Variants in ASIC2 observed in about 807,000 individuals in gnomAD.
The protein encoded by ASIC2 is acid-sensing ion channel 2.
ASIC2 carries 25 observed loss-of-function variants against 57.3 expected under a neutral mutation model. That is an observed-to-expected ratio of 0.44 (90% CI 0.32 to 0.61). The LOEUF (loss-of-function observed/expected upper bound fraction) is 0.61, where lower values mean the gene tolerates loss of function less well. Among genes scored for constraint, ASIC2 ranks in the 20% least tolerant of loss-of-function variants. The probability of loss-of-function intolerance (pLI) is 0.06; values close to 1 mark genes in which losing one functional copy is unlikely to be tolerated. For missense variants in ASIC2, 641 were observed against 738.1 expected, an observed-to-expected ratio of 0.87 and a Z score of 1.52; for synonymous variants, 319 against 307.5, an observed-to-expected ratio of 1.04 and a Z score of -0.39.
At chr17:34,112,688 T>C (rs565769132) in intron 1 of ASIC2, among the ~76,000 whole-genome samples, 2 of 152,252 alleles carry the variant, frequency 1.3e-5, no homozygotes, top group East Asian at 3.9e-4. Flanking sequence ...CCTCTGGGCA[T>C]TTACAAGATA....
intron 1 of ASIC2, among the ~76,000 whole-genome samples, chr17:33,687,096 A>G (rs1003110648): frequency 3.9e-5 from 6 of 152,148 alleles, no homozygotes; most frequent in African/African-American, 1.4e-4. Flanking sequence ...CAGTTTTTTC[A>G]TGTACAGCAA....
intron 1 of ASIC2, chr17:33,792,851 C>T (rs2078655726): frequency 6.6e-6 from 1 of 152,164 alleles, no homozygotes; most frequent in African/African-American, 2.4e-5. Flanking sequence ...TTGAGGTCCT[C>T]TCCTTTCCAG....
At chr17:34,154,128 C>T (rs752713140) in intron 1 of ASIC2, among the ~76,000 whole-genome samples, 4 of 152,214 alleles carry the variant, frequency 2.6e-5, no homozygotes, top group Non-Finnish European at 4.4e-5. Context: ...TCTGTGTCGT[C>T]TGTGTGTTCC....
At chr17:33,540,720 G>A (rs1915381865) in intron 1 of ASIC2, among the ~76,000 whole-genome samples, 1 of 152,108 alleles carries the variant, frequency 6.6e-6, no homozygotes, top group African/African-American at 2.4e-5. Context: ...CATTCACTGA[G>A]CATAGGGACC....
intron 1 of ASIC2, among the ~76,000 whole-genome samples, chr17:33,539,358 C>T (rs1915334675): frequency 6.6e-6 from 1 of 152,212 alleles, no homozygotes; most frequent in Admixed American, 6.5e-5. Flanking sequence ...CTTTTCTTGC[C>T]CTACAATGGT....
At chr17:33,243,654 A>G (rs986627644) in intron 1 of ASIC2, among the ~76,000 whole-genome samples, 6 of 152,238 alleles carry the variant, frequency 3.9e-5, no homozygotes, top group Non-Finnish European at 8.8e-5. Flanking sequence ...CCCTCCGGGA[A>G]GATTTAAACA....
intron 1 of ASIC2, chr17:34,039,935 C>T (rs954403118): frequency 3.7e-5 from 52 of 1,387,612 alleles, no homozygotes; most frequent in Admixed American, 1.0e-4. Context: ...CGACCCGACC[C>T]GGCTGCGGAC....
chr17:33,378,284 T>G (rs887119409), intron 1 of ASIC2, among the ~76,000 whole-genome samples: 15 of 152,250 alleles, frequency 9.9e-5, no homozygotes, highest in African/African-American at 3.1e-4. Context: ...TAGCTAAACA[T>G]TGTGGCCACC....
intron 1 of ASIC2, among the ~76,000 whole-genome samples, chr17:33,777,500 C>T (rs930070973): frequency 1.1e-4 from 16 of 151,740 alleles, no homozygotes; most frequent in Admixed American, 2.6e-4. Context: ...AAAGTCCCCA[C>T]CTCCCTCCCA....
At chr17:33,714,747 A>G (rs1426702338) in intron 1 of ASIC2, among the ~76,000 whole-genome samples, 1 of 151,876 alleles carries the variant, frequency 6.6e-6, no homozygotes, top group Non-Finnish European at 1.5e-5. Context: ...GAAACCTAAA[A>G]CAAAACAACC....
chr17:33,229,932 T>G (rs945054224), intron 1 of ASIC2, among the ~76,000 whole-genome samples: 5 of 152,176 alleles, frequency 3.3e-5, no homozygotes, highest in South Asian at 2.1e-4. Flanking sequence ...GATGGACATG[T>G]GAACTACGTA....
chr17:33,792,328 G>A (rs547708335), intron 1 of ASIC2: 1 of 152,306 alleles, frequency 6.6e-6, no homozygotes, highest in Non-Finnish European at 1.5e-5. Flanking sequence ...GACCAGGCAA[G>A]GGTGATAGTC....
chr17:33,079,054 T>C (rs188904245), intron 3 of ASIC2, among the ~76,000 whole-genome samples: 8 of 152,170 alleles, frequency 5.3e-5, no homozygotes, highest in African/African-American at 1.9e-4. Context: ...GGGAAAGACA[T>C]TAATGGGTCT....
intron 1 of ASIC2, among the ~76,000 whole-genome samples, chr17:34,076,483 T>C (rs1441946935): frequency 6.6e-6 from 1 of 152,214 alleles, no homozygotes; most frequent in Non-Finnish European, 1.5e-5. Context: ...TTTTATTGTA[T>C]ATATAGTTTA....
intron 1 of ASIC2, among the ~76,000 whole-genome samples, chr17:33,217,042 C>T (rs1907516594): frequency 6.6e-6 from 1 of 152,186 alleles, no homozygotes; most frequent in Non-Finnish European, 1.5e-5. Context: ...CAGTGACTGT[C>T]AGAATATTTG....
At chr17:33,656,105 A>G (rs1907067881) in intron 1 of ASIC2, among the ~76,000 whole-genome samples, 1 of 152,224 alleles carries the variant, frequency 6.6e-6, no homozygotes, top group South Asian at 2.1e-4. Flanking sequence ...ACTAAACCTG[A>G]GAGGGAAGGA....
chr17:33,243,563 T>G (rs1303506703), intron 1 of ASIC2, among the ~76,000 whole-genome samples: 1 of 151,522 alleles, frequency 6.6e-6, no homozygotes, highest in African/African-American at 2.4e-5. Flanking sequence ...GGAAAAAAAA[T>G]CCAAGCCTGT....
At chr17:33,904,583 TG>T (rs1336913467) in intron 1 of ASIC2, among the ~76,000 whole-genome samples, 1 of 152,174 alleles carries the variant, frequency 6.6e-6, no homozygotes, top group Non-Finnish European at 1.5e-5. Context: ...ACGAATGCCA[TG>T]GATAATGAGG....
chr17:33,894,960 A>G (rs1442979353), intron 1 of ASIC2, among the ~76,000 whole-genome samples: 1 of 152,124 alleles, frequency 6.6e-6, no homozygotes, highest in Non-Finnish European at 1.5e-5. Flanking sequence ...TACTCTGATG[A>G]ATACTTTCTG....
Sources: gnomAD v4.1 joint callset for allele counts (sites outside exome capture counted in the v4.1 genomes callset) on GRCh38, gnomAD v4.1.1 for gene constraint, MANE v1.5 for transcripts, NCBI Gene and HGNC (gene_info 2026-07-23, HGNC 2026-07-21) for gene names.